CEP120: variants seen among roughly 807,000 people sequenced by gnomAD.
The protein encoded by CEP120 is centrosomal protein 120.
Under a neutral mutation model 126.5 loss-of-function variants are expected in CEP120, and 113 were observed. That is an observed-to-expected ratio of 0.89 (90% CI 0.77 to 1.04). CEP120 has a LOEUF of 1.04. CEP120 is among the 50% of genes least tolerant of loss of function. The pLI is 0.00. For synonymous variants in CEP120, 400 were observed against 394.3 expected, an observed-to-expected ratio of 1.01 and a Z score of -0.17; for missense variants, 1,230 against 1,155.7, an observed-to-expected ratio of 1.06 and a Z score of -0.93.
chr5:123,423,086 C>T lies in CEP120; in HGVS notation c.-88G>A. 2.7e-6 allele frequency: 3 copies of T among 1,105,290 alleles called. No homozygotes were observed. Among genetic ancestry groups the T allele is most frequent in the Admixed American group, 3.4e-5 (2 of 58,234 alleles). The allele number at this position is 1,105,290 out of a possible 1,614,324, so 68.5% of individuals were successfully genotyped here. ...GGGTAATCCGGGACCCCCGGCGGGA[C>T]CCCCACTGCCCGCCCCCGGTCCCTG... On this transcript the variant is annotated 5_prime_UTR_variant, in exon 1 of 20. Coordinates refer to ENST00000306467, the MANE Select transcript of CEP120 (RefSeq NM_001375405.1).
chr5:123,386,675 T>A lies in CEP120; in HGVS notation c.1431-8A>T, dbSNP rs761915664. ...AAGAATGGATATGAGTACCTAGAAT[T>A]TAAAAAAAAAAAAAAAAAAAAAAGC... On this transcript the variant is annotated splice_region_variant and splice_polypyrimidine_tract_variant and intron_variant, in intron 9 of 19. Transcript: ENST00000306467. The A allele has an allele frequency of 2.5e-3, 1,749 of 688,802 alleles. 32 individuals carry two copies. In the African/African-American group the frequency reaches 0.056, roughly 22 times the overall value. 42.7% of individuals were successfully genotyped at this position (688,802 alleles called of 1,614,324 possible).
rs992022001 is a variant in CEP120 at position 123,385,188 on chromosome 5, T to A, written c.1581-55A>T. 3.7e-5 allele frequency: 52 copies of A among 1,388,624 alleles called. No individual in the cohort carries two copies. In the East Asian group the frequency reaches 9.5e-4, roughly 25 times the overall value. The allele number at this position is 1,388,624 out of a possible 1,614,324, so 86.0% of individuals were successfully genotyped here. On this transcript the variant is annotated intron_variant, in intron 10 of 19. Transcript: ENST00000306467. ...CTATCAACTCTGACCTAAAGTCTTT[T>A]CTGAACTAAATTCTTTGAATTCCCT...
chr5:123,385,251 C>T (rs1218107468), intron 10 of CEP120, 118 bp from the exon 11 acceptor site: 5 of 684,400 alleles, frequency 7.3e-6, no homozygotes, highest in South Asian at 2.3e-5. Context: ...CCTGGAATGT[C>T]GTCTAACACA....
In CEP120 at chr5:123,390,953, C is replaced by T; in HGVS notation, c.1038+157G>A. On this transcript the variant is annotated intron_variant, in intron 7 of 19. Transcript: ENST00000306467. ...CACTTATAAACCATAACAGAAGTCA[C>T]AGCACTTTTCAGAAAGGAGGTATCA... The T allele has an allele frequency of 9.8e-6, 6 of 611,596 alleles. No individual in the cohort carries two copies. The South Asian group carries it at 1.3e-4, about 13-fold the overall frequency. 37.9% of individuals were successfully genotyped at this position (611,596 alleles called of 1,614,324 possible).
In CEP120 at chr5:123,421,835, A is replaced by G. The variant is rs569468209; in HGVS notation, c.49+1115T>C. Among the ~76,000 whole-genome samples, 6 of 152,352 alleles carry G rather than the reference A, an allele frequency of 3.9e-5. No homozygotes were observed. In the South Asian group the frequency reaches 1.2e-3, roughly 32 times the overall value. ...AACAATAAGTAAACTAACAGTTAAT[A>G]GTGCTCCAAATCTTTATGGCTTTTC... On this transcript the variant is annotated intron_variant, in intron 1 of 19. Coordinates refer to ENST00000306467, the MANE Select transcript of CEP120 (RefSeq NM_001375405.1).
intron 11 of CEP120, among the ~76,000 whole-genome samples, chr5:123,384,515 A>T (rs1580688644): frequency 6.6e-6 from 1 of 152,176 alleles, no homozygotes; most frequent in East Asian, 1.9e-4. Context: ...AAATATCTAT[A>T]ATGTCCTCAG....
At chr5:123,389,316 T>A (rs1268817930) in intron 8 of CEP120, among the ~76,000 whole-genome samples, 1 of 152,242 alleles carries the variant, frequency 6.6e-6, no homozygotes, top group Non-Finnish European at 1.5e-5. Flanking sequence ...AACTTCAAGA[T>A]ATTTAAGAAT....
chr5:123,422,537 G>A lies in CEP120; in HGVS notation c.49+413C>T, dbSNP rs527865875. 11 of 1,535,586 alleles carry A rather than the reference G, an allele frequency of 7.2e-6. No homozygotes were observed. The South Asian group carries it at 9.5e-5, about 13-fold the overall frequency. ...TGAGTCCTCCAGCAAGACGTGTAAAGGGAATTGCCTCCGGAACACTTCTGG... is the reference window on the plus strand; with the variant it reads ...TGAGTCCTCCAGCAAGACGTGTAAAAGGAATTGCCTCCGGAACACTTCTGG... On this transcript the variant is annotated intron_variant, in intron 1 of 19. Transcript: ENST00000306467.
chr5:123,383,685 C>G (rs1390817215), intron 11 of CEP120, among the ~76,000 whole-genome samples: 2 of 152,080 alleles, frequency 1.3e-5, no homozygotes, highest in Non-Finnish European at 2.9e-5. Context: ...AGCAATGCCT[C>G]TAGGCCTAAT....
chr5:123,384,453 G>C (rs1183745773), intron 11 of CEP120, among the ~76,000 whole-genome samples: 1 of 152,012 alleles, frequency 6.6e-6, no homozygotes, highest in African/African-American at 2.4e-5. Context: ...TTGTGGCAAT[G>C]AAGTTCAGGG....
At chr5:123,349,364 G>A (rs188045559) in intron 19 of CEP120, among the ~76,000 whole-genome samples, 6 of 151,980 alleles carry the variant, frequency 3.9e-5, no homozygotes, top group African/African-American at 1.4e-4. Context: ...AAAAAGGGCC[G>A]GGCAATATAA....
At position 123,401,230 on chromosome 5, in the gene CEP120, G is replaced by A. The variant is rs533459314; in HGVS notation, c.464-1946C>T. 59 of 1,612,616 alleles carry A rather than the reference G, an allele frequency of 3.7e-5. No homozygotes were observed. In the East Asian group the frequency reaches 5.3e-4, roughly 15 times the overall value. On this transcript the variant is annotated intron_variant, in intron 4 of 19. Transcript: ENST00000306467. ...ACGTTCATCAGCTCCTGGTACTCAC[G>A]CAGCTGCCACGCCATGTCCTGCTTG...
At chr5:123,362,858 G>A (rs769841105) in intron 18 of CEP120, among the ~76,000 whole-genome samples, 6 of 151,688 alleles carry the variant, frequency 4.0e-5, no homozygotes, top group Admixed American at 2.6e-4. Flanking sequence ...ACTGGTAGCC[G>A]AATTTCATTC....
At chr5:123,422,656 TCA>T in intron 1 of CEP120, 1 of 975,332 alleles carries the variant, frequency 1.0e-6, no homozygotes. Flanking sequence ...CACGTTCAGC[TCA>T]TATATAAAAG....
chr5:123,400,897 TG>T, intron 4 of CEP120: 1 of 1,378,882 alleles, frequency 7.3e-7, no homozygotes, highest in Non-Finnish European at 1.0e-6. Context: ...AGGGGTAGGC[TG>T]GGAGGGGCTG....
intron 18 of CEP120, among the ~76,000 whole-genome samples, chr5:123,357,572 A>T (rs1048968512): frequency 2.0e-5 from 3 of 152,142 alleles, no homozygotes; most frequent in Admixed American, 6.6e-5. Context: ...CCACAGATGA[A>T]GAAATGTAAG....
At chr5:123,417,334 G>A (rs1261773526) in intron 2 of CEP120, among the ~76,000 whole-genome samples, 1 of 151,994 alleles carries the variant, frequency 6.6e-6, no homozygotes, top group Admixed American at 6.6e-5. Context: ...ATTTAGTACT[G>A]AGAACAAGCA....
In CEP120 at chr5:123,383,900, T is replaced by G. The variant is rs556902566; in HGVS notation, c.1764-818A>C. ...TCTGGTCAAACAAAACTTGAATGAA[T>G]GGTTCTCACACAATTAGAACTCTTA... On this transcript the variant is annotated intron_variant, in intron 11 of 19. Transcript: ENST00000306467. 4.6e-5 allele frequency among the ~76,000 whole-genome samples: 7 copies of G among 152,240 alleles called. No homozygotes were observed. In the South Asian group the frequency reaches 1.2e-3, roughly 27 times the overall value.
intron 17 of CEP120, among the ~76,000 whole-genome samples, chr5:123,371,411 T>A (rs961692484): frequency 1.1e-4 from 16 of 152,060 alleles, no homozygotes; most frequent in African/African-American, 3.6e-4. Flanking sequence ...CATCAGATGT[T>A]GTGAGACTTA....
Sources: gnomAD v4.1 joint callset for allele counts (sites outside exome capture counted in the v4.1 genomes callset) on GRCh38, gnomAD v4.1.1 for gene constraint, MANE v1.5 for transcripts, NCBI Gene and HGNC (gene_info 2026-07-23, HGNC 2026-07-21) for gene names.